MEGF11: variants seen among roughly 807,000 people sequenced by gnomAD.
MEGF11 encodes the protein multiple epidermal growth factor-like domains protein 11.
MEGF11 carries 126 observed loss-of-function variants against 146.6 expected under a neutral mutation model. The ratio of observed to expected loss-of-function variants is 0.86; its 90% CI spans 0.74 to 1.00. The LOEUF is 1.00. Among genes scored for constraint, MEGF11 ranks in the 50% least tolerant of loss-of-function variants. The pLI is 0.00. For synonymous variants in MEGF11, 532 were observed against 583.4 expected (o/e 0.91, Z 1.27); for missense variants, 1,509 against 1,521.2 (o/e 0.99, Z 0.13).
chr15:65,928,395 C>T (rs2079448907), intron 13 of MEGF11, 30 bp downstream of exon 13: 2 of 1,512,416 alleles, frequency 1.3e-6, no homozygotes, highest in Non-Finnish European at 1.8e-6. Context: ...TTCACAGTAC[C>T]TGGGTGGTGG....
intron 5 of MEGF11, among the ~76,000 whole-genome samples, chr15:66,070,653 C>T (rs1042395846): frequency 2.6e-5 from 4 of 152,192 alleles, no homozygotes; most frequent in East Asian, 1.9e-4. Flanking sequence ...CGTCATCTTA[C>T]GCAGGTATAC....
chr15:66,022,899 T>C (rs1286731902), intron 5 of MEGF11, among the ~76,000 whole-genome samples: 3 of 150,304 alleles, frequency 2.0e-5, no homozygotes, highest in Non-Finnish European at 4.4e-5. Context: ...ACTGTAATCC[T>C]AGCACTTTGG....
chr15:66,071,521 G>C (rs2085365207), intron 5 of MEGF11, among the ~76,000 whole-genome samples: 1 of 152,218 alleles, frequency 6.6e-6, no homozygotes, highest in East Asian at 1.9e-4. Context: ...AATTATGAAA[G>C]AGAATCGCTC....
chr15:65,898,065 A>C lies in MEGF11; in HGVS notation c.3292T>G (p.Cys1098Gly). The stretch of plus-strand genomic sequence containing the variant: ...TGGATATAGCTGGAGTTATGACCGC[A>C]ACCTTCTTGGACCACACTGACTGTG... ...EPTVSVVQEG[C>G]GHNSSYIQNA... is the part of the protein sequence containing the mutation. The change falls in exon 26 of 26, where the codon TGC becomes GGC. Residue 1098 changes from cysteine to glycine, a missense_variant. Coordinates refer to ENST00000395614, the MANE Select transcript of MEGF11 (RefSeq NM_001385028.1). 6.2e-7 allele frequency: 1 copy of C among 1,613,824 alleles called. No homozygotes were observed. Among genetic ancestry groups the C allele is most frequent in the South Asian group, 1.1e-5 (1 of 90,980 alleles).
At chr15:66,029,040 C>T (rs1219767180) in intron 5 of MEGF11, among the ~76,000 whole-genome samples, 8 of 152,068 alleles carry the variant, frequency 5.3e-5, no homozygotes, top group Admixed American at 6.6e-5. Context: ...TGGGGGTCTC[C>T]GAATCCATCC....
Position 65,916,270 on chromosome 15 carries a change from G to A in MEGF11, c.2222C>T (p.Pro741Leu). 1.3e-6 allele frequency: 2 copies of A among 1,555,016 alleles called. No individual in the cohort carries two copies. Among genetic ancestry groups the A allele is most frequent in the Non-Finnish European group, 1.7e-6 (2 of 1,149,086 alleles). ...WTGLFCTQRC[P>L]AAFFGKDCGR... ...ACAGTCCTTCCCAAAAAATGCTGCT[G>A]GGCAGCCTAGAGAAACAGGATTTCC... Residue 741 changes from proline (P) to leucine (L), a missense_variant, in exon 18 of 26, where the codon CCA becomes CTA. By Grantham distance (98) the Pro-to-Leu change is moderately conservative (BLOSUM62 -3). Coordinates refer to ENST00000395614, the MANE Select transcript of MEGF11 (RefSeq NM_001385028.1).
intron 15 of MEGF11, chr15:65,921,853 C>T (rs1238843065): frequency 6.3e-6 from 1 of 159,316 alleles, no homozygotes; most frequent in Admixed American, 5.9e-5. Context: ...GTGAAGGATT[C>T]TGAGGTCAAG....
rs888077507 is a variant in MEGF11 at position 66,096,816 on chromosome 15, T to TG, written c.302-2323dup. Among the ~76,000 whole-genome samples the TG allele has an allele frequency of 5.4e-4, 82 of 152,264 alleles. 1 individual carries two copies. The highest frequency in any genetic ancestry group is 4.4e-3 in the Admixed American group (67 of 15,302). On this transcript the variant is annotated intron_variant, in intron 4 of 25. Transcript: ENST00000395614. ...CCTACCACCTGTGCCTTCTCCAAGC[T>TG]GGGGGGGAACAGCCTTCCGGTGCTC...
At chr15:66,063,609 A>T (rs966889400) in intron 5 of MEGF11, among the ~76,000 whole-genome samples, 1 of 152,200 alleles carries the variant, frequency 6.6e-6, no homozygotes, top group Non-Finnish European at 1.5e-5. Context: ...CTTCATTGTA[A>T]GTCTTTCTGC....
chr15:66,126,329 C>T (rs967418680), intron 2 of MEGF11, among the ~76,000 whole-genome samples: 3 of 152,224 alleles, frequency 2.0e-5, no homozygotes, highest in Admixed American at 6.5e-5. Flanking sequence ...CACAAGCCTT[C>T]CCCCTTGGGG....
intron 5 of MEGF11, among the ~76,000 whole-genome samples, chr15:66,026,083 A>T (rs2083321063): frequency 6.6e-6 from 1 of 152,240 alleles, no homozygotes. Flanking sequence ...TGTGATTCAG[A>T]TCTCCGGGGA....
At chr15:66,166,710 C>G (rs1170437840) in intron 1 of MEGF11, among the ~76,000 whole-genome samples, 1 of 151,796 alleles carries the variant, frequency 6.6e-6, no homozygotes, top group Non-Finnish European at 1.5e-5. Flanking sequence ...TTGGAAAGCT[C>G]TCTTCCCAGA....
intron 5 of MEGF11, among the ~76,000 whole-genome samples, chr15:65,994,051 G>C (rs1262542171): frequency 1.3e-5 from 2 of 152,202 alleles, no homozygotes; most frequent in African/African-American, 4.8e-5. Context: ...CATTTCCAGG[G>C]CTCCAGAGCT....
chr15:65,918,010 G>A lies in MEGF11; in HGVS notation c.2042C>T (p.Ser681Phe). The change falls in exon 16 of 26, where the codon TCC (serine) becomes TTC (phenylalanine). Residue 681 changes from serine (S) to phenylalanine (F), a missense_variant. Transcript: ENST00000395614. Reference protein sequence around the residue: ...NNGTCSPIDGSCQCFPGWIGK... With the variant: ...NNGTCSPIDGFCQCFPGWIGK... ...AATCCATCCAGGAAAGCACTGGCAG[G>A]AGCCATCGATAGGGCTGCAGGTCCC... is the stretch of plus-strand genomic sequence containing the variant. The A allele has an allele frequency of 6.2e-7, 1 of 1,614,012 alleles. No homozygotes were observed. The highest frequency in any genetic ancestry group is 8.5e-7 in the Non-Finnish European group (1 of 1,179,892).
Position 66,019,191 on chromosome 15 carries a change from C to T in MEGF11, c.395-36703G>A, listed in dbSNP as rs141650809. On this transcript the variant is annotated intron_variant, in intron 5 of 25. Coordinates refer to ENST00000395614, the MANE Select transcript of MEGF11 (RefSeq NM_001385028.1). ...TGTGCGTGGGAACCAGGAGCTTGAC[C>T]TCCTGACCCTTCCCTTCTGGGCCCT... is the stretch of plus-strand genomic sequence containing the variant. Among the ~76,000 whole-genome samples, 1,061 of 152,234 alleles carry T rather than the reference C, an allele frequency of 7.0e-3. 3 individuals are homozygous for T. The highest frequency in any genetic ancestry group is 8.9e-3 in the Non-Finnish European group (602 of 67,994).
At chr15:66,062,425 G>A (rs1204718902) in intron 5 of MEGF11, among the ~76,000 whole-genome samples, 3 of 152,234 alleles carry the variant, frequency 2.0e-5, no homozygotes, top group African/African-American at 7.2e-5. Flanking sequence ...GCAGAGAACT[G>A]TGGGCAGCCT....
At chr15:66,194,239 T>A (rs1288577262) in intron 1 of MEGF11, among the ~76,000 whole-genome samples, 1 of 152,120 alleles carries the variant, frequency 6.6e-6, no homozygotes, top group African/African-American at 2.4e-5. Flanking sequence ...GGGAAGCAAC[T>A]CAGGAATGGA....
rs1166707887 is a variant in MEGF11 at position 66,067,601 on chromosome 15, A to G, written c.394+26801T>C. 2.0e-5 allele frequency among the ~76,000 whole-genome samples: 3 copies of G among 152,246 alleles called. No individual in the cohort carries two copies. The East Asian group carries it at 5.8e-4, about 29-fold the overall frequency. ...GCCTTTGGCCAACCAGACCTACAAC[A>G]CCTGAGCCCTGGGAAGCTCCTTTTC... On this transcript the variant is annotated intron_variant, in intron 5 of 25. Coordinates refer to ENST00000395614, the MANE Select transcript of MEGF11 (RefSeq NM_001385028.1).
intron 5 of MEGF11, among the ~76,000 whole-genome samples, chr15:66,070,700 C>T (rs899936353): frequency 3.9e-5 from 6 of 152,312 alleles, no homozygotes; most frequent in Admixed American, 3.3e-4. Flanking sequence ...CCCGCAGCAG[C>T]GGGGAGGCCT....
Sources: gnomAD v4.1 joint callset for allele counts (sites outside exome capture counted in the v4.1 genomes callset) on GRCh38, gnomAD v4.1.1 for gene constraint, MANE v1.5 for transcripts, NCBI Gene and HGNC (gene_info 2026-07-23, HGNC 2026-07-21) for gene names.